CFAP299: variants seen among roughly 807,000 people sequenced by gnomAD.
CFAP299 encodes the protein cilia- and flagella-associated protein 299.
CFAP299 carries 21 observed loss-of-function variants against 27.0 expected under a neutral mutation model. The observed-to-expected ratio is 0.78, with a 90% CI of 0.55 to 1.12. CFAP299 has a LOEUF of 1.12. Among genes scored for constraint, CFAP299 ranks in the 50% most tolerant of loss-of-function variants. The probability of loss-of-function intolerance (pLI) is 0.00; values close to 1 mark genes in which losing one functional copy is unlikely to be tolerated. For synonymous variants in CFAP299, 104 were observed against 98.1 expected (o/e 1.06, Z -0.36); for missense variants, 310 against 276.6 (o/e 1.12, Z -0.86).
chr4:80,800,648 AAT>A lies in CFAP299; in HGVS notation c.334-69336_334-69335del, dbSNP rs1281044418. 4.4e-3 allele frequency among the ~76,000 whole-genome samples: 430 copies of A among 98,782 alleles called. 8 individuals carry two copies. The highest frequency in any genetic ancestry group is 0.016 in the African/African-American group (356 of 21,874). The allele number at this position is 98,782 out of a possible 152,430, so 64.8% of individuals were successfully genotyped here. A position where few individuals can be genotyped will look rare whatever the true frequency, so the allele number is the denominator to read the frequency against. The stretch of plus-strand genomic sequence containing the variant: ...TATTAATATAAATATATAATATATT[AAT>A]ATATATATGATATATTAATATAAAT... On this transcript the variant is annotated intron_variant, in intron 3 of 5. Transcript: ENST00000358105.
chr4:80,468,530 G>C (rs1051633251), intron 2 of CFAP299, among the ~76,000 whole-genome samples: 1 of 151,948 alleles, frequency 6.6e-6, no homozygotes, highest in Admixed American at 6.6e-5. Flanking sequence ...GGCCTATAAT[G>C]TTGTTTTAAT....
intron 2 of CFAP299, among the ~76,000 whole-genome samples, chr4:80,484,149 T>C (rs931152702): frequency 1.3e-5 from 2 of 152,142 alleles, no homozygotes; most frequent in Non-Finnish European, 2.9e-5. Flanking sequence ...GAGGCAATTA[T>C]ACCTATTGGA....
chr4:80,382,718 G>A (rs114285144), intron 2 of CFAP299, among the ~76,000 whole-genome samples: 13 of 152,262 alleles, frequency 8.5e-5, no homozygotes, highest in East Asian at 1.9e-4. Context: ...CTTATACACC[G>A]TTGGGGGGAC....
chr4:80,573,972 A>G (rs1433657106), intron 2 of CFAP299, among the ~76,000 whole-genome samples: 1 of 151,798 alleles, frequency 6.6e-6, no homozygotes, highest in Non-Finnish European at 1.5e-5. Context: ...AAATTTTAGG[A>G]TTGTTTTTCT....
chr4:80,549,178 C>T (rs567440572), intron 2 of CFAP299, among the ~76,000 whole-genome samples: 1 of 152,178 alleles, frequency 6.6e-6, no homozygotes, highest in East Asian at 1.9e-4. Context: ...AAGTAACACA[C>T]ACACACACAC....
intron 1 of CFAP299, among the ~76,000 whole-genome samples, chr4:80,360,456 A>T (rs958016078): frequency 6.6e-6 from 1 of 152,190 alleles, no homozygotes; most frequent in Non-Finnish European, 1.5e-5. Flanking sequence ...ACACACCCAC[A>T]CACGTCAGGA....
Position 80,568,573 on chromosome 4 carries a change from G to C in CFAP299, c.243-14520G>C, listed in dbSNP as rs141432527. Reference sequence around the variant, plus strand: ...ATCACATTATTTTTCTCTTAAGATAGTGAATATAGTGGATTGCATTAATTT... The same window carrying C: ...ATCACATTATTTTTCTCTTAAGATACTGAATATAGTGGATTGCATTAATTT... On this transcript the variant is annotated intron_variant, in intron 2 of 5. Coordinates refer to ENST00000358105, the MANE Select transcript of CFAP299 (RefSeq NM_152770.3). 1.5e-3 allele frequency among the ~76,000 whole-genome samples: 232 copies of C among 152,186 alleles called. 2 individuals are homozygous for C. The highest frequency in any genetic ancestry group is 5.5e-3 in the African/African-American group (228 of 41,556).
intron 3 of CFAP299, among the ~76,000 whole-genome samples, chr4:80,691,722 G>A (rs559444287): frequency 6.6e-6 from 1 of 151,736 alleles, no homozygotes; most frequent in Non-Finnish European, 1.5e-5. Flanking sequence ...GGAAATAAAG[G>A]GTATTCAATT....
At chr4:80,639,637 A>T (rs1168261137) in intron 3 of CFAP299, 1 of 152,714 alleles carries the variant, frequency 6.5e-6, no homozygotes, top group Non-Finnish European at 1.5e-5. Flanking sequence ...GTTACTGAGG[A>T]CTAGGGGAGG....
chr4:80,657,720 T>TG (rs1740635476), intron 3 of CFAP299, among the ~76,000 whole-genome samples: 1 of 152,134 alleles, frequency 6.6e-6, no homozygotes, highest in Non-Finnish European at 1.5e-5. Context: ...GGCTCTTTTT[T>TG]GGGTTCCATA....
At chr4:80,621,331 T>C (rs1446419559) in intron 3 of CFAP299, among the ~76,000 whole-genome samples, 1 of 152,152 alleles carries the variant, frequency 6.6e-6, no homozygotes, top group African/African-American at 2.4e-5. Context: ...AAAGAAATTG[T>C]TTTTGGATAA....
intron 3 of CFAP299, among the ~76,000 whole-genome samples, chr4:80,687,728 C>G (rs1018316684): frequency 6.6e-6 from 1 of 152,172 alleles, no homozygotes; most frequent in Non-Finnish European, 1.5e-5. Context: ...CAGCTCCCAG[C>G]GTGAGCGACG....
chr4:80,510,916 A>G (rs1173096669), intron 2 of CFAP299, among the ~76,000 whole-genome samples: 2 of 152,130 alleles, frequency 1.3e-5, no homozygotes, highest in Admixed American at 6.6e-5. Context: ...GATATTCAGT[A>G]CTTTATTCTG....
intron 4 of CFAP299, among the ~76,000 whole-genome samples, chr4:80,888,674 TCTC>T (rs1734091389): frequency 6.6e-6 from 1 of 152,166 alleles, no homozygotes; most frequent in African/African-American, 2.4e-5. Flanking sequence ...TACACATTCT[TCTC>T]CTCCTCTCAT....
chr4:80,894,157 C>G (rs1263236122), intron 4 of CFAP299, among the ~76,000 whole-genome samples: 3 of 151,788 alleles, frequency 2.0e-5, no homozygotes, highest in Non-Finnish European at 4.4e-5. Context: ...AAATCAAAAT[C>G]ACAATAAAAT....
In CFAP299 at chr4:80,370,910, G is replaced by T. The variant is rs373723337; in HGVS notation, c.242+8026G>T. Among the ~76,000 whole-genome samples, 29 of 152,364 alleles carry T rather than the reference G, an allele frequency of 1.9e-4. 1 individual carries two copies. The South Asian group carries it at 5.8e-3, about 30-fold the overall frequency. ...CTCCACTAGGCAGCGCCCCAGTGGG[G>T]CCTCTGTGTGAGAGCTCTAACTCCA... is the stretch of plus-strand genomic sequence containing the variant. On this transcript the variant is annotated intron_variant, in intron 2 of 5. Coordinates refer to ENST00000358105, the MANE Select transcript of CFAP299 (RefSeq NM_152770.3).
chr4:80,529,570 G>A (rs938564254), intron 2 of CFAP299, among the ~76,000 whole-genome samples: 3 of 152,104 alleles, frequency 2.0e-5, no homozygotes, highest in Non-Finnish European at 2.9e-5. Context: ...CTGAAATACA[G>A]TCCTCTGAGT....
intron 4 of CFAP299, among the ~76,000 whole-genome samples, chr4:80,941,066 A>C (rs963694440): frequency 6.6e-6 from 1 of 152,312 alleles, no homozygotes; most frequent in East Asian, 1.9e-4. Context: ...TAATATTTAC[A>C]TATAACCTAT....
rs548956776 is a variant in CFAP299, at chr4:80,604,024, A to G, written c.333+20841A>G. Among the ~76,000 whole-genome samples the G allele has an allele frequency of 2.1e-3, 315 of 152,300 alleles. 2 individuals carry two copies. Among genetic ancestry groups the G allele is most frequent in the Non-Finnish European group, 3.8e-3 (261 of 68,016 alleles). ...AAAATACTTGAATATAAAATTACAT[A>G]TTAGACTGAAATTAAGAGATTTTAA... On this transcript the variant is annotated intron_variant, in intron 3 of 5. Transcript: ENST00000358105.
Sources: allele counts gnomAD v4.1 joint callset (sites outside exome capture counted in the v4.1 genomes callset), GRCh38; gene constraint gnomAD v4.1.1; transcripts MANE v1.5; gene names NCBI Gene and HGNC (gene_info 2026-07-23, HGNC 2026-07-21).